The following GABBR2 variants were observed in gnomAD, a reference collection of about 807,000 sequenced individuals.
GABBR2 encodes the protein gamma-aminobutyric acid type B receptor subunit 2, also known as G-protein coupled receptor 51.
GABBR2 carries 23 observed loss-of-function variants against 105.6 expected under a neutral mutation model. That is an observed-to-expected ratio of 0.22 (90% confidence interval 0.16 to 0.31). The LOEUF (loss-of-function observed/expected upper bound fraction) is 0.31, where lower values mean the gene tolerates loss of function less well. GABBR2 is among the 10% of genes least tolerant of loss of function. The pLI, the probability that GABBR2 is intolerant of heterozygous loss-of-function variation, is 1.00. For missense variants in GABBR2, 734 were observed against 1,245.5 expected (o/e 0.59, Z 6.18); for synonymous variants, 478 against 499.7 (o/e 0.96, Z 0.58).
Position 98,375,782 on chromosome 9 carries a change from A to T in GABBR2, c.1663-4211T>A, listed in dbSNP as rs942239280. ...CCCTCCATCAGAATGCTCCAGGGGC[A>T]TTTCCTGCACTGAGGGAGGTTTCAT... On this transcript the variant is annotated intron_variant, in intron 11 of 18. Transcript: ENST00000259455. Among the ~76,000 whole-genome samples the T allele has an allele frequency of 8.2e-4, 124 of 152,052 alleles. 3 individuals are homozygous for T. Among genetic ancestry groups the T allele is most frequent in the Non-Finnish European group, 1.9e-4 (13 of 68,014 alleles).
chr9:98,681,406 G>A (rs535872087), intron 1 of GABBR2, among the ~76,000 whole-genome samples: 2 of 111,270 alleles, frequency 1.8e-5, no homozygotes, highest in South Asian at 3.3e-4. Flanking sequence ...CATGGACACA[G>A]GAAGGGGAAT....
chr9:98,424,661 A>G (rs1259151052), intron 7 of GABBR2, among the ~76,000 whole-genome samples: 1 of 149,808 alleles, frequency 6.7e-6, no homozygotes, highest in East Asian at 1.9e-4. Flanking sequence ...AATGTACAAA[A>G]ATCACAAGCA....
chr9:98,477,751 C>A (rs1009948264), intron 5 of GABBR2, among the ~76,000 whole-genome samples: 6 of 152,172 alleles, frequency 3.9e-5, no homozygotes, highest in African/African-American at 1.4e-4. Context: ...ACTCCCCATG[C>A]AAGAAAGACG....
In GABBR2 at chr9:98,546,874, T is replaced by G; in HGVS notation, c.460-4831A>C. ...TCTATTCTGGCTATGTGAATTAATC[T>G]TGCCTCAGGTCTCAGCCCGCTGGAG... is the stretch of plus-strand genomic sequence containing the variant. On this transcript the variant is annotated intron_variant, in intron 2 of 18. Transcript: ENST00000259455. Among the ~76,000 whole-genome samples, 2 of 122,070 alleles carry G rather than the reference T, an allele frequency of 1.6e-5. 1 individual carries two copies. The highest frequency in any genetic ancestry group is 3.7e-5 in the Non-Finnish European group (2 of 54,240). The allele number at this position is 122,070 out of a possible 152,430, so 80.1% of individuals were successfully genotyped here.
intron 4 of GABBR2, among the ~76,000 whole-genome samples, chr9:98,484,121 G>A (rs556385178): frequency 3.3e-4 from 51 of 152,272 alleles, no homozygotes; most frequent in Admixed American, 3.0e-3. Context: ...CACTTCTTGA[G>A]TAGATCGAGG....
intron 5 of GABBR2, 49 bp from the exon 6 acceptor site, chr9:98,473,395 A>T: frequency 7.9e-7 from 1 of 1,262,116 alleles, no homozygotes; most frequent in South Asian, 1.2e-5. Flanking sequence ...GCACAGTTCA[A>T]GGCTCTGTGC....
At chr9:98,426,575 C>T (rs1825692971) in intron 7 of GABBR2, among the ~76,000 whole-genome samples, 1 of 152,198 alleles carries the variant, frequency 6.6e-6, no homozygotes, top group South Asian at 2.1e-4. Flanking sequence ...GATTGAGAAC[C>T]CATTCTCCCT....
chr9:98,445,186 G>A (rs1199363826), intron 7 of GABBR2, among the ~76,000 whole-genome samples: 1 of 152,206 alleles, frequency 6.6e-6, no homozygotes, highest in African/African-American at 2.4e-5. Context: ...GGTGAAGTAC[G>A]AGGGGATCAG....
At chr9:98,591,864 T>C (rs552788774) in intron 1 of GABBR2, among the ~76,000 whole-genome samples, 1 of 152,326 alleles carries the variant, frequency 6.6e-6, no homozygotes, top group East Asian at 1.9e-4. Context: ...ACCTCATCTA[T>C]GCTTCACTTA....
At chr9:98,532,259 T>C (rs1828080991) in intron 3 of GABBR2, among the ~76,000 whole-genome samples, 1 of 152,210 alleles carries the variant, frequency 6.6e-6, no homozygotes, top group African/African-American at 2.4e-5. Context: ...ACAGGACAGA[T>C]AAGAATCTTT....
At chr9:98,420,613 A>G (rs1818906689) in intron 7 of GABBR2, among the ~76,000 whole-genome samples, 2 of 152,250 alleles carry the variant, frequency 1.3e-5, no homozygotes, top group Admixed American at 1.3e-4. Context: ...AGATAACCAC[A>G]GCACAAAGGC....
chr9:98,463,165 A>C (rs1014673181), intron 6 of GABBR2, among the ~76,000 whole-genome samples: 1 of 152,220 alleles, frequency 6.6e-6, no homozygotes, highest in Admixed American at 6.5e-5. Flanking sequence ...CTGGGATTAC[A>C]AGTGTGAGTC....
intron 2 of GABBR2, among the ~76,000 whole-genome samples, chr9:98,559,181 G>A (rs1380800983): frequency 2.6e-5 from 4 of 152,094 alleles, no homozygotes; most frequent in Non-Finnish European, 5.9e-5. Context: ...CCAGGCTGAA[G>A]TGCAGTGGTG....
intron 5 of GABBR2, among the ~76,000 whole-genome samples, chr9:98,477,785 C>T (rs1371479798): frequency 1.3e-5 from 2 of 152,214 alleles, no homozygotes; most frequent in Non-Finnish European, 2.9e-5. Context: ...TTAAGGTTTA[C>T]AACAATAATA....
At chr9:98,524,496 AC>A (rs1021211941) in intron 3 of GABBR2, among the ~76,000 whole-genome samples, 12 of 152,192 alleles carry the variant, frequency 7.9e-5, no homozygotes, top group Non-Finnish European at 1.6e-4. Flanking sequence ...AGCCTATTCA[AC>A]CTCTCCATCT....
At chr9:98,583,620 C>T (rs1353553798) in intron 1 of GABBR2, among the ~76,000 whole-genome samples, 5 of 152,212 alleles carry the variant, frequency 3.3e-5, no homozygotes, top group East Asian at 1.9e-4. Context: ...ATAAGCAAGG[C>T]GTTTTGGCAT....
chr9:98,381,993 T>A (rs1176557898), intron 11 of GABBR2, among the ~76,000 whole-genome samples: 1 of 152,170 alleles, frequency 6.6e-6, no homozygotes, highest in African/African-American at 2.4e-5. Context: ...GCACCTGTGC[T>A]TTCATAGCCT....
rs56768409 is a variant in GABBR2, at chr9:98,436,280, C to CATATATAT, written c.1236+17693_1236+17700dup. On this transcript the variant is annotated intron_variant, in intron 7 of 18. Coordinates refer to ENST00000259455, the MANE Select transcript of GABBR2 (RefSeq NM_005458.8). ...CTTCTGTTATTTAAACAACAACAAC[C>CATATATAT]ATATATATATATATATATATATACC... is the stretch of plus-strand genomic sequence containing the variant. Among the ~76,000 whole-genome samples the CATATATAT allele has an allele frequency of 2.3e-3, 125 of 53,916 alleles. 6 individuals carry two copies. The highest frequency in any genetic ancestry group is 9.3e-3 in the East Asian group (9 of 966). 35.4% of individuals were successfully genotyped at this position (53,916 alleles called of 152,430 possible).
At position 98,454,011 on chromosome 9, in the gene GABBR2, G is replaced by A. The variant is rs2131603340; in HGVS notation, c.1206C>T (p.Ala402=). ...CCCCGAAGAAGTTGGTCTCGTTCATGGCATTGAGGATGATCCTGCCCAGCG... is the reference window on the plus strand; with the variant it reads ...CCCCGAAGAAGTTGGTCTCGTTCATAGCATTGAGGATGATCCTGCCCAGCG... ...DHTLGRIILN[A]MNETNFFGVT... Residue 402 remains alanine (A), a synonymous_variant, in exon 7 of 19, where the codon GCC becomes GCT. Coordinates refer to ENST00000259455, the MANE Select transcript of GABBR2 (RefSeq NM_005458.8). This position sits in a 1 kb window ranked among gnomAD's most constrained non-coding sequence, Gnocchi z 4.6. 1 of 1,614,010 alleles carries A rather than the reference G, an allele frequency of 6.2e-7. No homozygotes were observed. Among genetic ancestry groups the A allele is most frequent in the Non-Finnish European group, 8.5e-7 (1 of 1,179,824 alleles).
Sources: gnomAD v4.1 joint callset for allele counts (sites outside exome capture counted in the v4.1 genomes callset) on GRCh38, gnomAD v4.1.1 for gene constraint, Gnocchi (gnomAD v3.1) non-coding constraint, MANE v1.5 for transcripts, NCBI Gene and HGNC (gene_info 2026-07-23, HGNC 2026-07-21) for gene names.